Variants in PIBF1 observed in about 807,000 individuals in gnomAD.
The protein encoded by PIBF1 is progesterone immunomodulatory binding factor 1.
A neutral mutation model predicts 112.5 loss-of-function variants in PIBF1; 90 were observed. That is an observed-to-expected ratio of 0.80 (90% confidence interval 0.67 to 0.95). The LOEUF (loss-of-function observed/expected upper bound fraction) is 0.95. Among genes scored for constraint, PIBF1 ranks in the 40% least tolerant of loss-of-function variants. The pLI is 0.00. For missense variants in PIBF1, 915 were observed against 852.3 expected, an observed-to-expected ratio of 1.07 and a Z score of -0.92; for synonymous variants, 301 against 288.6, an observed-to-expected ratio of 1.04 and a Z score of -0.44.
intron 10 of PIBF1, among the ~76,000 whole-genome samples, chr13:72,888,797 A>C (rs9318122): frequency 0.028 from 4,232 of 151,928 alleles, 78 homozygotes; most frequent in Middle Eastern, 0.058. Flanking sequence ...CTGATATATC[A>C]ATTCATATGT....
At chr13:72,960,954 C>T (rs539787959) in intron 14 of PIBF1, among the ~76,000 whole-genome samples, 30 of 151,510 alleles carry the variant, frequency 2.0e-4, no homozygotes, top group African/African-American at 6.0e-4. Flanking sequence ...GTATTTTTTT[C>T]TTTATGGCTC....
intron 15 of PIBF1, among the ~76,000 whole-genome samples, chr13:72,972,413 C>T (rs1235572911): frequency 6.6e-6 from 1 of 152,132 alleles, no homozygotes; most frequent in East Asian, 1.9e-4. Flanking sequence ...CCTATAATCC[C>T]AGCACTTCGG....
At chr13:72,844,856 A>T (rs1320611686) in intron 9 of PIBF1, among the ~76,000 whole-genome samples, 1 of 149,760 alleles carries the variant, frequency 6.7e-6, no homozygotes, top group African/African-American at 2.5e-5. Flanking sequence ...AGCTCAAGTG[A>T]TCCTCCCCGC....
intron 16 of PIBF1, among the ~76,000 whole-genome samples, chr13:72,981,832 A>G (rs939519558): frequency 2.6e-5 from 4 of 152,200 alleles, no homozygotes; most frequent in Admixed American, 1.3e-4. Flanking sequence ...CAACTCTCTC[A>G]TTAAATTGTA....
intron 5 of PIBF1, among the ~76,000 whole-genome samples, chr13:72,818,505 G>A (rs762742235): frequency 6.6e-6 from 1 of 152,028 alleles, no homozygotes; most frequent in Non-Finnish European, 1.5e-5. Context: ...TACTTCTGAA[G>A]TTACCAATTC....
intron 14 of PIBF1, among the ~76,000 whole-genome samples, chr13:72,946,368 A>G (rs1159452147): frequency 6.6e-6 from 1 of 152,092 alleles, no homozygotes; most frequent in Non-Finnish European, 1.5e-5. Context: ...CCCACAACAC[A>G]TGGGGATTTT....
intron 10 of PIBF1, among the ~76,000 whole-genome samples, chr13:72,888,256 T>TAA (rs1293279061): frequency 6.6e-6 from 1 of 152,002 alleles, no homozygotes; most frequent in African/African-American, 2.4e-5. Context: ...GGAGGTTTAA[T>TAA]AACATAAGAA....
chr13:72,865,659 A>G (rs1212438270), intron 10 of PIBF1, among the ~76,000 whole-genome samples: 1 of 152,198 alleles, frequency 6.6e-6, no homozygotes, highest in Non-Finnish European at 1.5e-5. Flanking sequence ...ATGAGGAAAC[A>G]AGTCTAAAGA....
chr13:72,829,052 A>G (rs955615949), intron 8 of PIBF1, among the ~76,000 whole-genome samples: 3 of 152,228 alleles, frequency 2.0e-5, no homozygotes, highest in African/African-American at 4.8e-5. Flanking sequence ...GCATTTGTTC[A>G]TATATCTGTT....
chr13:72,944,575 G>A (rs912550248), intron 14 of PIBF1, among the ~76,000 whole-genome samples: 3 of 151,836 alleles, frequency 2.0e-5, no homozygotes, highest in African/African-American at 7.3e-5. Flanking sequence ...GTATTTAATT[G>A]CATACAAACT....
intron 10 of PIBF1, among the ~76,000 whole-genome samples, chr13:72,861,290 C>T (rs940361364): frequency 2.6e-5 from 4 of 151,714 alleles, no homozygotes; most frequent in Admixed American, 2.0e-4. Flanking sequence ...ATAATTATTA[C>T]ATATAAGAAT....
intron 2 of PIBF1, among the ~76,000 whole-genome samples, chr13:72,785,537 A>G (rs1227437796): frequency 6.6e-6 from 1 of 152,208 alleles, no homozygotes; most frequent in Non-Finnish European, 1.5e-5. Context: ...TAGGAAGTCT[A>G]AAGCCTATAC....
chr13:72,862,916 G>A (rs550714666), intron 10 of PIBF1, among the ~76,000 whole-genome samples: 30 of 152,198 alleles, frequency 2.0e-4, no homozygotes, highest in Admixed American at 9.2e-4. Flanking sequence ...ACAAAAGATT[G>A]TAATCATAAT....
Position 72,915,149 on chromosome 13 carries a change from G to GAT in PIBF1, c.1640-1913_1640-1912dup, listed in dbSNP as rs142559850. 1.2e-3 allele frequency among the ~76,000 whole-genome samples: 181 copies of GAT among 150,474 alleles called. 1 individual carries two copies. The highest frequency in any genetic ancestry group is 3.4e-3 in the African/African-American group (141 of 41,128). On this transcript the variant is annotated intron_variant, in intron 12 of 17. Transcript: ENST00000326291. ...TGAAGGTGTAGATATGTTATATGCA[G>GAT]ATATATATATATATACCATTTTATA...
intron 16 of PIBF1, among the ~76,000 whole-genome samples, chr13:72,976,192 G>T (rs2043016984): frequency 6.6e-6 from 1 of 152,256 alleles, no homozygotes; most frequent in Admixed American, 6.5e-5. Context: ...GAGCACAGGA[G>T]TTTGAGACTA....
At chr13:72,788,357 G>A (rs1021537059) in intron 2 of PIBF1, among the ~76,000 whole-genome samples, 32 of 152,266 alleles carry the variant, frequency 2.1e-4, no homozygotes, top group African/African-American at 7.5e-4. Context: ...GGTGGTTTCT[G>A]GTAACAGAGA....
chr13:72,839,745 C>A (rs746161587), intron 9 of PIBF1, among the ~76,000 whole-genome samples: 4 of 151,956 alleles, frequency 2.6e-5, no homozygotes, highest in Non-Finnish European at 4.4e-5. Context: ...AAAAAAAAAT[C>A]TTTAAAGTTT....
At chr13:72,784,097 A>G (rs2034457845) in intron 2 of PIBF1, among the ~76,000 whole-genome samples, 1 of 152,160 alleles carries the variant, frequency 6.6e-6, no homozygotes, top group Admixed American at 6.5e-5. Context: ...TACTAAAATA[A>G]CTATGTGAGG....
chr13:72,996,895 AG>A (rs2043692456), intron 16 of PIBF1, among the ~76,000 whole-genome samples: 1 of 152,224 alleles, frequency 6.6e-6, no homozygotes, highest in African/African-American at 2.4e-5. Flanking sequence ...TACCCACTGT[AG>A]CTGTATTATC....
Sources: allele counts gnomAD v4.1 joint callset (sites outside exome capture counted in the v4.1 genomes callset), GRCh38; gene constraint gnomAD v4.1.1; transcripts MANE v1.5; gene names NCBI Gene and HGNC (gene_info 2026-07-23, HGNC 2026-07-21).